EDC4: variants seen among roughly 807,000 people sequenced by gnomAD.
The protein encoded by EDC4 is enhancer of mRNA-decapping protein 4.
A neutral mutation model predicts 155.8 loss-of-function variants in EDC4; 64 were observed. That is an observed-to-expected ratio of 0.41 (90% CI 0.34 to 0.51). EDC4 has a LOEUF of 0.51. Among genes scored for constraint, EDC4 ranks in the 20% least tolerant of loss-of-function variants. EDC4 has a pLI of 0.19. For synonymous variants in EDC4, 684 were observed against 716.8 expected (o/e 0.95, Z 0.73); for missense variants, 1,303 against 1,812.5 (o/e 0.72, Z 5.10).
chr16:67,876,781 C>T lies in EDC4; in HGVS notation c.352-92C>T. ...CAGGAGGTAACAGTGGGTAGCTGGA[C>T]TTGCATCTGTGTCCTCTCCCATCCC... On this transcript the variant is annotated intron_variant, in intron 3 of 28. Coordinates refer to ENST00000358933, the MANE Select transcript of EDC4 (RefSeq NM_014329.5). This position sits in a 1 kb window ranked among gnomAD's most constrained non-coding sequence, Gnocchi z 5.8. The T allele has an allele frequency of 6.4e-7, 1 of 1,572,836 alleles. No homozygotes were observed. Among genetic ancestry groups the T allele is most frequent in the Non-Finnish European group, 8.6e-7 (1 of 1,158,934 alleles).
In EDC4 at chr16:67,880,420, G is replaced by A; in HGVS notation, c.2098-137G>A. 7.3e-7 allele frequency: 1 copy of A among 1,373,776 alleles called. No homozygotes were observed. Among genetic ancestry groups the A allele is most frequent in the Non-Finnish European group, 9.9e-7 (1 of 1,008,236 alleles). The allele number at this position is 1,373,776 out of a possible 1,614,324, so 85.1% of individuals were successfully genotyped here. A position where few individuals can be genotyped will look rare whatever the true frequency, so the allele number is the denominator to read the frequency against. On this transcript the variant is annotated intron_variant, in intron 17 of 28. Coordinates refer to ENST00000358933, the MANE Select transcript of EDC4 (RefSeq NM_014329.5). The surrounding 1 kb of genome is among the most constrained non-coding windows in gnomAD (Gnocchi z 5.2). Reference sequence around the variant, plus strand: ...GTCCCCACCTCCTCTTCTTGGCTGTGGCCTCGTTTTTGACCTGTATCCCCA... The same window carrying A: ...GTCCCCACCTCCTCTTCTTGGCTGTAGCCTCGTTTTTGACCTGTATCCCCA...
In EDC4 at chr16:67,883,865, CAG is replaced by C; in HGVS notation, c.4014-88_4014-87del. On this transcript the variant is annotated intron_variant, in intron 28 of 28. Coordinates refer to ENST00000358933, the MANE Select transcript of EDC4 (RefSeq NM_014329.5). The surrounding 1 kb of genome is among the most constrained non-coding windows in gnomAD (Gnocchi z 5.3). ...TCCACCAGTCCTTTCTGCCTTCACC[CAG>C]AGGGTTCCCTCTGGGCCTCGGTGCC... 1 of 1,536,966 alleles carries C rather than the reference CAG, an allele frequency of 6.5e-7. No individual in the cohort carries two copies. Among genetic ancestry groups the C allele is most frequent in the Non-Finnish European group, 8.8e-7 (1 of 1,137,030 alleles).
Position 67,879,680 on chromosome 16 carries a change from C to A in EDC4, c.1727C>A (p.Pro576His). The change falls in exon 15 of 29, where the codon CCT becomes CAT. Residue 576 changes from proline to histidine, a missense_variant. By Grantham distance (77) the Pro-to-His change is moderately conservative. Coordinates refer to ENST00000358933, the MANE Select transcript of EDC4 (RefSeq NM_014329.5). This position sits in a 1 kb window ranked among gnomAD's most constrained non-coding sequence, Gnocchi z 6.0. ...QPDLRRIVEL[P>H]APADFLSLSS... ...GACCTCCGACGAATCGTGGAGCTGC[C>A]TGCACCTGCCGACTTCCTCAGTCTG... is the stretch of plus-strand genomic sequence containing the variant. 4.3e-6 allele frequency: 7 copies of A among 1,614,186 alleles called. No homozygotes were observed. Among genetic ancestry groups the A allele is most frequent in the Non-Finnish European group, 5.9e-6 (7 of 1,180,034 alleles).
Position 67,877,975 on chromosome 16 carries a change from C to A in EDC4, c.894+130C>A. ...CGTGGGGACTCTGAGCTCAAATTGG[C>A]CCTCACCTGTGCAGCTTTCTCCTTA... On this transcript the variant is annotated intron_variant, in intron 7 of 28. Coordinates refer to ENST00000358933, the MANE Select transcript of EDC4 (RefSeq NM_014329.5). The surrounding 1 kb of genome is among the most constrained non-coding windows in gnomAD (Gnocchi z 4.9). 6.7e-7 allele frequency: 1 copy of A among 1,498,802 alleles called. No homozygotes were observed. Among genetic ancestry groups the A allele is most frequent in the Non-Finnish European group, 9.0e-7 (1 of 1,110,528 alleles). The allele number at this position is 1,498,802 out of a possible 1,614,324, so 92.8% of individuals were successfully genotyped here.
Position 67,883,781 on chromosome 16 carries a change from T to C in EDC4, c.4013+50T>C. ...GGAGATGAGCTGGGGAGTGGGGCAG[T>C]GGGAGGGAGCAGTTTGAAGCTGACG... On this transcript the variant is annotated intron_variant, in intron 28 of 28. Coordinates refer to ENST00000358933, the MANE Select transcript of EDC4 (RefSeq NM_014329.5). The surrounding 1 kb of genome is among the most constrained non-coding windows in gnomAD (Gnocchi z 5.3). 2.5e-6 allele frequency: 4 copies of C among 1,600,468 alleles called. No individual in the cohort carries two copies. The highest frequency in any genetic ancestry group is 3.4e-6 in the Non-Finnish European group (4 of 1,170,056).
Position 67,876,437 on chromosome 16 carries a change from G to A in EDC4, c.240-51G>A, listed in dbSNP as rs62059358. On this transcript the variant is annotated intron_variant, in intron 2 of 28. Coordinates refer to ENST00000358933, the MANE Select transcript of EDC4 (RefSeq NM_014329.5). This position sits in a 1 kb window ranked among gnomAD's most constrained non-coding sequence, Gnocchi z 5.8. ...TCCTCGCTTCCTCCCAACCCTGCCC[G>A]CTGAGCCTTTGGGTGAACAAGAGGC... 2 of 1,601,100 alleles carry A rather than the reference G, an allele frequency of 1.2e-6. No individual in the cohort carries two copies. Among genetic ancestry groups the A allele is most frequent in the Admixed American group, 1.7e-5 (1 of 59,386 alleles).
rs1398882246 is a variant in EDC4, at chr16:67,883,410, C to G, written c.3850-158C>G. The G allele has an allele frequency of 1.5e-6, 2 of 1,327,728 alleles. No homozygotes were observed. Among genetic ancestry groups the G allele is most frequent in the African/African-American group, 2.9e-5 (2 of 68,314 alleles). 82.2% of individuals were successfully genotyped at this position (1,327,728 alleles called of 1,614,324 possible). ...TTCTCAGGAACCCATTTCCCAATCC[C>G]CTAGGGTAACTACACAGCCCTACAG... On this transcript the variant is annotated intron_variant, in intron 27 of 28. Transcript: ENST00000358933. This position sits in a 1 kb window ranked among gnomAD's most constrained non-coding sequence, Gnocchi z 5.3.
In EDC4 at chr16:67,882,347, G is replaced by A. The variant is rs1386566881; in HGVS notation, c.3276+20G>A. On this transcript the variant is annotated intron_variant, in intron 24 of 28. Coordinates refer to ENST00000358933, the MANE Select transcript of EDC4 (RefSeq NM_014329.5). This position sits in a 1 kb window ranked among gnomAD's most constrained non-coding sequence, Gnocchi z 7.2. ...TCCAAGGTGCTATAGGGCCCAAGATGTGGGTGGAGGTGGTGGTTCCTGGGC... is the reference window on the plus strand; with the variant it reads ...TCCAAGGTGCTATAGGGCCCAAGATATGGGTGGAGGTGGTGGTTCCTGGGC... 2.5e-6 allele frequency: 4 copies of A among 1,613,756 alleles called. No individual in the cohort carries two copies. The East Asian group carries it at 8.9e-5, about 36-fold the overall frequency.
In EDC4 at chr16:67,873,174, C is replaced by T; in HGVS notation, c.-88C>T. ...TGTGTAGTGACCGGCGTCCCGCTGT[C>T]TCGCCCCGTGGCGGGTGAGCGAGGG... On this transcript the variant is annotated 5_prime_UTR_variant, in exon 1 of 29. Coordinates refer to ENST00000358933, the MANE Select transcript of EDC4 (RefSeq NM_014329.5). 1.9e-6 allele frequency: 2 copies of T among 1,056,726 alleles called. No homozygotes were observed. The highest frequency in any genetic ancestry group is 2.5e-6 in the Non-Finnish European group (2 of 791,692). The allele number at this position is 1,056,726 out of a possible 1,614,324, so 65.5% of individuals were successfully genotyped here.
At position 67,884,144 on chromosome 16, in the gene EDC4, C is replaced by T. The variant is rs2058083295; in HGVS notation, c.4202C>T (p.Pro1401Leu). The change falls in exon 29 of 29, where the codon CCT (proline) becomes CTT (leucine). Residue 1401 changes from proline (P) to leucine (L), a missense_variant. Physicochemically the swap from Pro to Leu is moderately conservative, Grantham distance 98 (BLOSUM62 -3). Around this residue, in one of 5 missense-constraint regions of EDC4, gnomAD observed 527 missense variants for 757.0 expected, o/e 0.70. Transcript: ENST00000358933. The surrounding 1 kb of genome is among the most constrained non-coding windows in gnomAD (Gnocchi z 4.1). ...MLHGLVTPSL[P>L] ...CATGGCCTCGTGACCCCCAGCCTCC[C>T]TTAGCTGCTAAGCCTGCCTTGCCCA... The T allele has an allele frequency of 6.8e-6, 11 of 1,606,272 alleles. No individual in the cohort carries two copies. The highest frequency in any genetic ancestry group is 1.3e-5 in the African/African-American group (1 of 74,882).
chr16:67,878,328 CT>C lies in EDC4; in HGVS notation c.1005-31del, dbSNP rs2058050504. ...CCTCCCGAGGTAGCCCACCCGACCA[CT>C]CACTCAGGCCCCTCATCTGCCTACC... On this transcript the variant is annotated intron_variant, in intron 8 of 28. Transcript: ENST00000358933. The surrounding 1 kb of genome is among the most constrained non-coding windows in gnomAD (Gnocchi z 5.2). 1 of 1,614,126 alleles carries C rather than the reference CT, an allele frequency of 6.2e-7. No homozygotes were observed. The highest frequency in any genetic ancestry group is 1.3e-5 in the African/African-American group (1 of 74,938).
chr16:67,877,712 C>T lies in EDC4; in HGVS notation c.790-29C>T, dbSNP rs1389801294. Reference sequence around the variant, plus strand: ...AGAGAAGCCATAGTGTGGGGTTGGGCTGCACACTCACCTCCCTGTGCCTTC... The same window carrying T: ...AGAGAAGCCATAGTGTGGGGTTGGGTTGCACACTCACCTCCCTGTGCCTTC... On this transcript the variant is annotated intron_variant, in intron 6 of 28. Transcript: ENST00000358933. This position sits in a 1 kb window ranked among gnomAD's most constrained non-coding sequence, Gnocchi z 4.9. The T allele has an allele frequency of 1.2e-6, 2 of 1,614,004 alleles. No individual in the cohort carries two copies. The highest frequency in any genetic ancestry group is 2.7e-5 in the African/African-American group (2 of 74,924).
At position 67,876,711 on chromosome 16, in the gene EDC4, C is replaced by G. The variant is rs1248274981; in HGVS notation, c.351+112C>G. 2.6e-6 allele frequency: 4 copies of G among 1,553,824 alleles called. No homozygotes were observed. In the African/African-American group the frequency reaches 5.4e-5, roughly 21 times the overall value. On this transcript the variant is annotated intron_variant, in intron 3 of 28. Transcript: ENST00000358933. This position sits in a 1 kb window ranked among gnomAD's most constrained non-coding sequence, Gnocchi z 5.8. Reference sequence around the variant, plus strand: ...GACCACCTTGACACTTTCCCAGTTTCAGGAAGCCAGGGCTGGGTGCCAAGC... The same window carrying G: ...GACCACCTTGACACTTTCCCAGTTTGAGGAAGCCAGGGCTGGGTGCCAAGC...
At position 67,882,446 on chromosome 16, in the gene EDC4, C is replaced by T. The variant is rs756406919; in HGVS notation, c.3294C>T (p.Ile1098=). 6.8e-6 allele frequency: 11 copies of T among 1,613,772 alleles called. No individual in the cohort carries two copies. The highest frequency in any genetic ancestry group is 4.5e-5 in the East Asian group (2 of 44,878). ...AACCCCAGAACTTGACTGATGCCATCGCCCGAGCAGCTGCAGACACATTAC... is the reference window on the plus strand; with the variant it reads ...AACCCCAGAACTTGACTGATGCCATTGCCCGAGCAGCTGCAGACACATTAC... ...LLKSKNLTDA[I]ARAAADTLQG... The change falls in exon 25 of 29, where the codon ATC becomes ATT. Residue 1098 remains isoleucine, a synonymous_variant. Transcript: ENST00000358933. The surrounding 1 kb of genome is among the most constrained non-coding windows in gnomAD (Gnocchi z 7.2).
Position 67,880,358 on chromosome 16 carries a change from T to G in EDC4, c.2097+142T>G. 7.3e-7 allele frequency: 1 copy of G among 1,372,476 alleles called. No homozygotes were observed. The highest frequency in any genetic ancestry group is 9.8e-7 in the Non-Finnish European group (1 of 1,021,082). The allele number at this position is 1,372,476 out of a possible 1,614,324, so 85.0% of individuals were successfully genotyped here. On this transcript the variant is annotated intron_variant, in intron 17 of 28. Transcript: ENST00000358933. This position sits in a 1 kb window ranked among gnomAD's most constrained non-coding sequence, Gnocchi z 5.2. The stretch of plus-strand genomic sequence containing the variant: ...GTGTTTCCCTGAGGTCATTTCACCC[T>G]CCTGTGTTTCCTGGTGGGTGTCTCC...
At position 67,880,644 on chromosome 16, in the gene EDC4, TC is replaced by T; in HGVS notation, c.2189del (p.Pro730LeufsTer86). ...CCAAGCCTCCCCTAGCCGCACTCGT[TC>T]CCCTGATGTCATCTCCTCAGCTTCC... ...LPQASPSRTR[S>X]PDVISSASTA... On this transcript the variant is annotated frameshift_variant, in exon 18 of 29. Coordinates refer to ENST00000358933, the MANE Select transcript of EDC4 (RefSeq NM_014329.5). LOFTEE classifies it high-confidence loss of function. The surrounding 1 kb of genome is among the most constrained non-coding windows in gnomAD (Gnocchi z 5.2). 2 of 1,614,118 alleles carry T rather than the reference TC, an allele frequency of 1.2e-6. No individual in the cohort carries two copies. The highest frequency in any genetic ancestry group is 1.7e-6 in the Non-Finnish European group (2 of 1,180,024).
In EDC4 at chr16:67,879,493, C is replaced by G. The variant is rs61741986; in HGVS notation, c.1623C>G (p.His541Gln). 3 of 1,614,070 alleles carry G rather than the reference C, an allele frequency of 1.9e-6. No individual in the cohort carries two copies. The highest frequency in any genetic ancestry group is 1.3e-5 in the African/African-American group (1 of 74,916). ...VVAPLPTHTA[H>Q]EDFTFGESRP... is the part of the protein sequence containing the mutation. ...CCCCACTGCCCACCCACACTGCCCA[C>G]GAGGACTTCAGTGAGTAGGGCGTGA... The change falls in exon 14 of 29, where the codon CAC (histidine) becomes CAG (glutamine). Residue 541 changes from histidine to glutamine, a missense_variant. By Grantham distance (24) the His-to-Gln change is conservative (BLOSUM62 0). Coordinates refer to ENST00000358933, the MANE Select transcript of EDC4 (RefSeq NM_014329.5). This position sits in a 1 kb window ranked among gnomAD's most constrained non-coding sequence, Gnocchi z 6.0.
Sources: gnomAD v4.1 joint callset for allele counts on GRCh38, gnomAD v4.1.1 for gene constraint, gnomAD v4.1.1 regional missense constraint, Gnocchi (gnomAD v3.1) non-coding constraint, MANE v1.5 for transcripts, NCBI Gene and HGNC (gene_info 2026-07-23, HGNC 2026-07-21) for gene names.